Variants in AFAP1 observed in about 807,000 individuals in gnomAD.
The protein encoded by AFAP1 is actin filament associated protein 1, also known as actin filament-associated protein 1.
In AFAP1, 75 loss-of-function variants were observed where a neutral mutation model predicts 93.9. That is an observed-to-expected ratio of 0.80 (90% CI 0.66 to 0.97). The LOEUF (loss-of-function observed/expected upper bound fraction) is 0.97, where lower values mean the gene tolerates loss of function less well. AFAP1 is among the 50% of genes least tolerant of loss of function. The pLI is 0.00. For missense variants in AFAP1, 1,201 were observed against 1,050.8 expected (o/e 1.14, Z -1.98); for synonymous variants, 517 against 430.7 (o/e 1.20, Z -2.48).
chr4:7,804,073 CA>C (rs980351304), intron 9 of AFAP1, among the ~76,000 whole-genome samples: 112 of 152,302 alleles, frequency 7.4e-4, no homozygotes, highest in African/African-American at 2.6e-3. Context: ...AGTCTAGAGT[CA>C]GGGGGTCCTC....
In AFAP1 at chr4:7,889,682, A is replaced by C. The variant is rs116168463; in HGVS notation, c.-2-17602T>G. Among the ~76,000 whole-genome samples, 866 of 139,368 alleles carry C rather than the reference A, an allele frequency of 6.2e-3. 5 individuals are homozygous for C. The highest frequency in any genetic ancestry group is 0.02 in the African/African-American group (763 of 38,446). The allele number at this position is 139,368 out of a possible 152,430, so 91.4% of individuals were successfully genotyped here. On this transcript the variant is annotated intron_variant, in intron 1 of 17. Transcript: ENST00000420658. ...GTTTATTGTACATCAACTGTACCTC[A>C]ATGAAGCGTTTTTTTTTTTTTTAAA...
intron 3 of AFAP1, among the ~76,000 whole-genome samples, chr4:7,864,167 A>AACTTCCCATCACAACG (rs1577313455): frequency 8.7e-5 from 11 of 125,726 alleles, no homozygotes; most frequent in Non-Finnish European, 1.6e-4. Context: ...ATCACAACCC[A>AACTTCCCATCACAACG]CAGGTCCTTT....
chr4:7,911,519 A>AC (rs1273150538), intron 1 of AFAP1, among the ~76,000 whole-genome samples: 5 of 152,208 alleles, frequency 3.3e-5, no homozygotes, highest in African/African-American at 1.2e-4. Flanking sequence ...GACATGCTTT[A>AC]CGGATTGCAC....
chr4:7,801,847 G>A (rs565783580), intron 9 of AFAP1, among the ~76,000 whole-genome samples: 3 of 148,730 alleles, frequency 2.0e-5, no homozygotes, highest in South Asian at 4.3e-4. Flanking sequence ...TTGGGAGGCC[G>A]GGGCAGGAAG....
At chr4:7,892,485 G>A (rs1467622779) in intron 1 of AFAP1, among the ~76,000 whole-genome samples, 2 of 152,200 alleles carry the variant, frequency 1.3e-5, no homozygotes, top group South Asian at 4.1e-4. Flanking sequence ...ACGGGGAGGT[G>A]GGAATCATTG....
intron 4 of AFAP1, among the ~76,000 whole-genome samples, chr4:7,844,523 CAG>C (rs1344021798): frequency 6.6e-6 from 1 of 152,184 alleles, no homozygotes; most frequent in Admixed American, 6.5e-5. Flanking sequence ...CGGCCCAACA[CAG>C]AGCGGATCGC....
chr4:7,885,192 A>G (rs929809586), intron 1 of AFAP1, among the ~76,000 whole-genome samples: 2 of 152,268 alleles, frequency 1.3e-5, no homozygotes, highest in South Asian at 2.1e-4. Context: ...AAAAATCTTA[A>G]TTAACCTGGA....
chr4:7,847,921 G>A (rs1283319244), intron 4 of AFAP1, among the ~76,000 whole-genome samples: 1 of 151,868 alleles, frequency 6.6e-6, no homozygotes, highest in Non-Finnish European at 1.5e-5. Flanking sequence ...GGACGTTGTT[G>A]ATTAGGAAAT....
chr4:7,838,317 C>T (rs1183347362), intron 6 of AFAP1, among the ~76,000 whole-genome samples: 1 of 152,182 alleles, frequency 6.6e-6, no homozygotes, highest in East Asian at 1.9e-4. Context: ...CAGAGACAAG[C>T]TGCCTTTTAA....
chr4:7,763,888 C>G (rs1188219545), intron 17 of AFAP1, 97 bp from the exon 18 acceptor site: 3 of 1,241,284 alleles, frequency 2.4e-6, no homozygotes, highest in Non-Finnish European at 3.5e-6. Context: ...GGGGTGGGTG[C>G]TCGGCTACTG....
intron 15 of AFAP1, 75 bp from the exon 16 acceptor site, chr4:7,773,085 C>A: frequency 6.6e-7 from 1 of 1,504,514 alleles, no homozygotes; most frequent in East Asian, 2.4e-5. Context: ...CACCTGGTCC[C>A]CAAGAAGAAC....
rs575392547 is a variant in AFAP1, at chr4:7,898,165, T to A, written c.-2-26085A>T. On this transcript the variant is annotated intron_variant, in intron 1 of 17. Transcript: ENST00000420658. ...TGGCTCACGCCTGTAATCCCAGCAC[T>A]TTGGTAGGCCAAGGCGGGTGGATCA... Among the ~76,000 whole-genome samples the A allele has an allele frequency of 4.6e-5, 7 of 152,256 alleles. No individual in the cohort carries two copies. In the East Asian group the frequency reaches 1.4e-3, roughly 30 times the overall value.
intron 1 of AFAP1, among the ~76,000 whole-genome samples, chr4:7,936,407 T>C (rs1423588013): frequency 1.3e-5 from 2 of 151,048 alleles, no homozygotes; most frequent in African/African-American, 4.9e-5. Flanking sequence ...CTCACTGCAG[T>C]CTCTAATCTT....
intron 16 of AFAP1, chr4:7,772,498 G>C (rs1715574586): frequency 3.9e-6 from 1 of 254,874 alleles, no homozygotes; most frequent in Non-Finnish European, 7.4e-6. Flanking sequence ...CGGCTCTACT[G>C]AACTGGCATC....
chr4:7,920,897 G>C (rs4627847), intron 1 of AFAP1, among the ~76,000 whole-genome samples: 1 of 151,970 alleles, frequency 6.6e-6, no homozygotes, highest in East Asian at 1.9e-4. Flanking sequence ...AGGTTTATAG[G>C]CTAGGAGAGG....
At chr4:7,774,174 T>C (rs965777584) in intron 15 of AFAP1, 5 of 152,850 alleles carry the variant, frequency 3.3e-5, no homozygotes, top group African/African-American at 1.2e-4. Flanking sequence ...CCACTCTGGC[T>C]GCAAACTCAG....
chr4:7,820,704 C>T (rs1405796006), intron 6 of AFAP1, among the ~76,000 whole-genome samples: 1 of 152,128 alleles, frequency 6.6e-6, no homozygotes, highest in Non-Finnish European at 1.5e-5. Flanking sequence ...CAAAGTGTTC[C>T]TTCTCCTGCT....
intron 15 of AFAP1, chr4:7,774,384 C>T (rs937199123): frequency 4.0e-6 from 1 of 247,792 alleles, no homozygotes; most frequent in Non-Finnish European, 7.7e-6. Context: ...CTGATCCCTC[C>T]TACCCGGTGA....
chr4:7,927,266 G>A (rs1720816560), intron 1 of AFAP1, among the ~76,000 whole-genome samples: 1 of 152,208 alleles, frequency 6.6e-6, no homozygotes, highest in Admixed American at 6.5e-5. Context: ...CCTAAGGTTT[G>A]GGTGTGCCAT....
Sources: gnomAD v4.1 joint callset for allele counts (sites outside exome capture counted in the v4.1 genomes callset) on GRCh38, gnomAD v4.1.1 for gene constraint, MANE v1.5 for transcripts, NCBI Gene and HGNC (gene_info 2026-07-23, HGNC 2026-07-21) for gene names.